DAB1: variants seen among roughly 807,000 people sequenced by gnomAD.
DAB1 encodes DAB adaptor protein 1, also known as disabled homolog 1.
In DAB1, 15 loss-of-function variants were observed where a neutral mutation model predicts 64.6. The ratio of observed to expected loss-of-function variants is 0.23; its 90% CI spans 0.16 to 0.36. DAB1 has a LOEUF of 0.36. Ranked by LOEUF, DAB1 falls within the 10% of genes least tolerant of loss-of-function variation. DAB1 has a pLI of 1.00. For missense variants in DAB1, 596 were observed against 706.7 expected, an observed-to-expected ratio of 0.84 and a Z score of 1.78; for synonymous variants, 235 against 251.9, an observed-to-expected ratio of 0.93 and a Z score of 0.64.
intron 1 of DAB1, among the ~76,000 whole-genome samples, chr1:57,392,973 G>A (rs1682510327): frequency 6.6e-6 from 1 of 152,198 alleles, no homozygotes; most frequent in Non-Finnish European, 1.5e-5. Context: ...GTGCCAGTCG[G>A]CCCCGGCTCC....
intron 5 of DAB1, among the ~76,000 whole-genome samples, chr1:58,086,057 A>G (rs12024333): frequency 0.27 from 38,516 of 140,070 alleles, 6,276 homozygotes; most frequent in East Asian, 0.5. Flanking sequence ...TCCGCCTCCC[A>G]GGTTCACGCC....
At chr1:58,233,245 G>C (rs1438060680) in intron 4 of DAB1, among the ~76,000 whole-genome samples, 1 of 152,132 alleles carries the variant, frequency 6.6e-6, no homozygotes, top group Non-Finnish European at 1.5e-5. Flanking sequence ...AACATTTATT[G>C]AGCATTGATT....
At chr1:58,317,841 T>C (rs1339611281) in intron 4 of DAB1, among the ~76,000 whole-genome samples, 2 of 152,198 alleles carry the variant, frequency 1.3e-5, no homozygotes, top group Non-Finnish European at 2.9e-5. Context: ...TACACCACAA[T>C]AGAAAATGAG....
intron 7 of DAB1, among the ~76,000 whole-genome samples, chr1:57,517,808 T>G (rs1336064144): frequency 6.6e-6 from 1 of 152,184 alleles, no homozygotes; most frequent in Admixed American, 6.5e-5. Context: ...AGGGGGCACA[T>G]TCTCCACATT....
intron 3 of DAB1, among the ~76,000 whole-genome samples, chr1:58,425,124 T>C (rs939255514): frequency 6.6e-6 from 1 of 152,252 alleles, no homozygotes; most frequent in Admixed American, 6.5e-5. Flanking sequence ...TCTGAGGTTC[T>C]GCCTAGATTA....
chr1:57,439,440 T>TG (rs1344033508), intron 7 of DAB1, among the ~76,000 whole-genome samples: 2 of 135,730 alleles, frequency 1.5e-5, no homozygotes, highest in Admixed American at 7.2e-5. Flanking sequence ...TTTTTTTTTT[T>TG]TTTTTTTGAG....
chr1:57,010,818 T>C lies in DAB1; in HGVS notation c.1573-28A>G, dbSNP rs1442480943. On this transcript the variant is annotated intron_variant, in intron 13 of 14. Coordinates refer to ENST00000371236, the MANE Select transcript of DAB1 (RefSeq NM_001365792.1). Reference sequence around the variant, plus strand: ...AGAACACAAGAAGATAATACTTTTTTTTTTCTCTCTTTTCAAGCATTGAAA... The same window carrying C: ...AGAACACAAGAAGATAATACTTTTTCTTTTCTCTCTTTTCAAGCATTGAAA... 6 of 1,473,870 alleles carry C rather than the reference T, an allele frequency of 4.1e-6. No homozygotes were observed. The African/African-American group carries it at 5.7e-5, about 14-fold the overall frequency. 91.3% of individuals were successfully genotyped at this position (1,473,870 alleles called of 1,614,324 possible). A position where few individuals can be genotyped will look rare whatever the true frequency, so the allele number is the denominator to read the frequency against.
chr1:57,213,753 A>G (rs1309433621), intron 2 of DAB1, among the ~76,000 whole-genome samples: 1 of 152,240 alleles, frequency 6.6e-6, no homozygotes, highest in African/African-American at 2.4e-5. Flanking sequence ...AAGTAGTTCA[A>G]CCAACCCAGG....
chr1:57,412,680 A>T (rs772145685), intron 1 of DAB1, among the ~76,000 whole-genome samples: 3 of 152,224 alleles, frequency 2.0e-5, no homozygotes, highest in Non-Finnish European at 4.4e-5. Flanking sequence ...ACTCTATTCA[A>T]TTCTATGAAG....
At chr1:58,432,863 CT>C (rs1296355273) in intron 3 of DAB1, among the ~76,000 whole-genome samples, 1 of 152,224 alleles carries the variant, frequency 6.6e-6, no homozygotes, top group Non-Finnish European at 1.5e-5. Context: ...GGCTCCATGG[CT>C]GGAGTTCCTG....
chr1:58,086,005 C>T (rs1178507679), intron 5 of DAB1, among the ~76,000 whole-genome samples: 1 of 135,492 alleles, frequency 7.4e-6, no homozygotes, highest in African/African-American at 2.9e-5. Flanking sequence ...GCTCTGTCGC[C>T]CAGGCTGGAG....
At chr1:57,534,290 T>C (rs1644699744) in intron 7 of DAB1, among the ~76,000 whole-genome samples, 1 of 152,028 alleles carries the variant, frequency 6.6e-6, no homozygotes, top group Admixed American at 6.5e-5. Flanking sequence ...TCGGAGAAAA[T>C]CAATACACAC....
chr1:57,004,788 G>A (rs929351884), intron 14 of DAB1, among the ~76,000 whole-genome samples: 1 of 152,130 alleles, frequency 6.6e-6, no homozygotes, highest in South Asian at 2.1e-4. Context: ...GCATGGGTTT[G>A]GGGAGCCAGA....
intron 5 of DAB1, among the ~76,000 whole-genome samples, chr1:57,979,675 G>C (rs1253247379): frequency 6.6e-6 from 1 of 152,170 alleles, no homozygotes; most frequent in African/African-American, 2.4e-5. Context: ...TTGGTGTCTG[G>C]CTTTGAATTG....
chr1:57,142,720 G>T lies in DAB1; in HGVS notation c.207+2570C>A, dbSNP rs1269259764. On this transcript the variant is annotated intron_variant, in intron 3 of 14. Coordinates refer to ENST00000371236, the MANE Select transcript of DAB1 (RefSeq NM_001365792.1). Reference sequence around the variant, plus strand: ...GTTAATCCTGAGCGAGAATGTTCAGGGAGCAGAGGCCAAATCCTTTTAGTC... The same window carrying T: ...GTTAATCCTGAGCGAGAATGTTCAGTGAGCAGAGGCCAAATCCTTTTAGTC... Among the ~76,000 whole-genome samples the T allele has an allele frequency of 2.0e-5, 3 of 151,966 alleles. No individual in the cohort carries two copies. The South Asian group carries it at 6.2e-4, about 31-fold the overall frequency.
At chr1:58,140,441 A>T (rs1654218224) in intron 5 of DAB1, among the ~76,000 whole-genome samples, 1 of 152,174 alleles carries the variant, frequency 6.6e-6, no homozygotes, top group Admixed American at 6.5e-5. Flanking sequence ...AAGGATAAAA[A>T]ATCCTTAAAA....
intron 5 of DAB1, among the ~76,000 whole-genome samples, chr1:58,013,098 C>T (rs1428809738): frequency 6.6e-6 from 1 of 152,082 alleles, no homozygotes; most frequent in African/African-American, 2.4e-5. Context: ...AGTGGAACAC[C>T]CCTGACTCTC....
chr1:58,382,549 C>T (rs551041063), intron 3 of DAB1, among the ~76,000 whole-genome samples: 1 of 152,312 alleles, frequency 6.6e-6, no homozygotes, highest in Non-Finnish European at 1.5e-5. Context: ...GCCCATGTTC[C>T]ACTTGCTGAG....
chr1:58,218,323 G>A (rs527944425), intron 4 of DAB1, among the ~76,000 whole-genome samples: 2 of 152,260 alleles, frequency 1.3e-5, no homozygotes, highest in South Asian at 2.1e-4. Flanking sequence ...CCTGGAGTAG[G>A]ACACCTTGTG....
Sources: allele counts gnomAD v4.1 joint callset (sites outside exome capture counted in the v4.1 genomes callset), GRCh38; gene constraint gnomAD v4.1.1; transcripts MANE v1.5; gene names NCBI Gene and HGNC (gene_info 2026-07-23, HGNC 2026-07-21).